Variants in C14orf39 observed in about 807,000 individuals in gnomAD.
C14orf39 encodes the protein protein SIX6OS1.
A neutral mutation model predicts 85.6 loss-of-function variants in C14orf39; 66 were observed. That is an observed-to-expected ratio of 0.77 (90% CI 0.63 to 0.95). C14orf39 has a LOEUF of 0.95. Among genes scored for constraint, C14orf39 ranks in the 40% least tolerant of loss-of-function variants. The pLI is 0.00. For missense variants in C14orf39, 735 were observed against 663.9 expected (o/e 1.11, Z -1.18); for synonymous variants, 242 against 214.0 (o/e 1.13, Z -1.14).
intron 16 of C14orf39, among the ~76,000 whole-genome samples, chr14:60,448,058 A>T (rs1316597110): frequency 5.3e-5 from 8 of 152,256 alleles, no homozygotes; most frequent in Admixed American, 5.2e-4. Context: ...TGGATTAAAG[A>T]CTTAAATGTA....
intron 1 of C14orf39, among the ~76,000 whole-genome samples, 177 bp downstream of exon 1, chr14:60,485,768 T>TC (rs766118975): frequency 3.6e-4 from 54 of 149,426 alleles, no homozygotes; most frequent in Non-Finnish European, 6.7e-4. Flanking sequence ...CAACACCGCA[T>TC]CCCCCCCATC....
At chr14:60,446,792 A>C (rs1462247889) in intron 16 of C14orf39, among the ~76,000 whole-genome samples, 1 of 152,236 alleles carries the variant, frequency 6.6e-6, no homozygotes, top group Non-Finnish European at 1.5e-5. Flanking sequence ...TCAATGTGAA[A>C]ATCCTCAATA....
At chr14:60,446,852 C>G (rs1289688036) in intron 16 of C14orf39, among the ~76,000 whole-genome samples, 1 of 152,092 alleles carries the variant, frequency 6.6e-6, no homozygotes, top group Non-Finnish European at 1.5e-5. Context: ...TTATCCACCA[C>G]AATAAAGTTG....
upstream of C14orf39, among the ~76,000 whole-genome samples, chr14:60,486,336 T>C (rs552843096): frequency 2.0e-5 from 3 of 152,228 alleles, no homozygotes; most frequent in Non-Finnish European, 4.4e-5. Flanking sequence ...AGCCTATTTA[T>C]TCCTCTTGTA....
rs1050153022 is a variant in C14orf39 at position 60,471,685 on chromosome 14, T to C, written c.378A>G (p.Gln126=). 4 of 1,595,836 alleles carry C rather than the reference T, an allele frequency of 2.5e-6. No homozygotes were observed. Among genetic ancestry groups the C allele is most frequent in the Non-Finnish European group, 3.4e-6 (4 of 1,170,004 alleles). Reference sequence around the variant, plus strand: ...AAAAGGGTGTTTCTGAGTATTTTAGTTGGTACTGCTTCAAAACTTCTTTAT... The same window carrying C: ...AAAAGGGTGTTTCTGAGTATTTTAGCTGGTACTGCTTCAAAACTTCTTTAT... ...CQYKEVLKQY[Q]LKYSETPFSR... Residue 126 remains glutamine (Q), a synonymous_variant, in exon 6 of 18, where the codon CAA becomes CAG. Transcript: ENST00000321731.
chr14:60,509,326 A>C, intron 1 of C14orf39: 2 of 1,319,396 alleles, frequency 1.5e-6, no homozygotes, highest in Non-Finnish European at 2.2e-6. Context: ...TGGCACACTC[A>C]GCCAGGCCCG....
chr14:60,478,932 AT>A (rs34091178), intron 4 of C14orf39, among the ~76,000 whole-genome samples: 125,303 of 152,002 alleles, frequency 0.82, 53,206 homozygotes, highest in Non-Finnish European at 0.92. Flanking sequence ...CATCTTATAC[AT>A]TTTTTATTAT....
chr14:60,447,160 C>T (rs1318355889), intron 16 of C14orf39, among the ~76,000 whole-genome samples: 2 of 152,298 alleles, frequency 1.3e-5, no homozygotes, highest in Non-Finnish European at 2.9e-5. Context: ...TGCCCTCTCA[C>T]ACCACTCCTG....
Position 60,462,070 on chromosome 14 carries a change from A to T in C14orf39, c.973-477T>A, listed in dbSNP as rs1280030654. Among the ~76,000 whole-genome samples, 3 of 152,236 alleles carry T rather than the reference A, an allele frequency of 2.0e-5. No individual in the cohort carries two copies. In the East Asian group the frequency reaches 5.8e-4, roughly 29 times the overall value. Reference sequence around the variant, plus strand: ...AGAGCTATTATTCCATTTTAACTTTAAATTGTTTAATATTAACATCTAGCT... The same window carrying T: ...AGAGCTATTATTCCATTTTAACTTTTAATTGTTTAATATTAACATCTAGCT... On this transcript the variant is annotated intron_variant, in intron 11 of 17. Coordinates refer to ENST00000321731, the MANE Select transcript of C14orf39 (RefSeq NM_174978.3).
At chr14:60,455,765 T>G (rs1275072296) in intron 15 of C14orf39, among the ~76,000 whole-genome samples, 7 of 152,082 alleles carry the variant, frequency 4.6e-5, no homozygotes, top group Non-Finnish European at 1.0e-4. Context: ...TTCTGTAAAA[T>G]AAGGATAATA....
chr14:60,468,301 A>C (rs1891895054), intron 9 of C14orf39, 144 bp downstream of exon 9: 2 of 448,060 alleles, frequency 4.5e-6, no homozygotes, highest in South Asian at 1.0e-4. Context: ...AATATTTTTC[A>C]TAAGAAATTA....
upstream of C14orf39, among the ~76,000 whole-genome samples, chr14:60,487,446 G>A (rs140788665): frequency 7.3e-5 from 11 of 151,652 alleles, no homozygotes; most frequent in African/African-American, 2.7e-4. Context: ...CATCCATGTG[G>A]TCACAAATGA....
chr14:60,474,268 T>G (rs1157494487), intron 5 of C14orf39, among the ~76,000 whole-genome samples: 1 of 152,230 alleles, frequency 6.6e-6, no homozygotes, highest in Non-Finnish European at 1.5e-5. Context: ...GAGACTTTGC[T>G]GAAGTTGTCT....
chr14:60,485,130 T>C (rs1469883927), intron 1 of C14orf39, 44 bp from the exon 2 acceptor site: 1 of 1,487,220 alleles, frequency 6.7e-7, no homozygotes, highest in South Asian at 1.2e-5. Flanking sequence ...TCTGAAGTCG[T>C]ATGCAAAACA....
Position 60,457,013 on chromosome 14 carries a change from G to T in C14orf39, c.1262C>A (p.Thr421Lys). Reference protein sequence around the residue: ...VEERAENFPRTSEIPIFLGTP... With the variant: ...VEERAENFPRKSEIPIFLGTP... Reference sequence around the variant, plus strand: ...TCCTAAAAATATAGGAATTTCAGACGTTCGTGGAAAATTCTCAGCTCTCTC... The same window carrying T: ...TCCTAAAAATATAGGAATTTCAGACTTTCGTGGAAAATTCTCAGCTCTCTC... Residue 421 changes from threonine (T) to lysine (K), a missense_variant, in exon 15 of 18, where the codon ACG (threonine) becomes AAG (lysine). Thr to Lys is a moderately conservative substitution (Grantham distance 78, BLOSUM62 -1). Transcript: ENST00000321731. 6.2e-7 allele frequency: 1 copy of T among 1,610,646 alleles called. No individual in the cohort carries two copies. Among genetic ancestry groups the T allele is most frequent in the Non-Finnish European group, 8.5e-7 (1 of 1,178,106 alleles).
chr14:60,447,700 G>A (rs1890836458), intron 16 of C14orf39, among the ~76,000 whole-genome samples: 1 of 152,044 alleles, frequency 6.6e-6, no homozygotes, highest in African/African-American at 2.4e-5. Context: ...CTACTTTAAA[G>A]TTCATATGGA....
chr14:60,510,024 A>T, intron 1 of C14orf39: 1 of 1,488,302 alleles, frequency 6.7e-7, no homozygotes, highest in Non-Finnish European at 9.2e-7. Context: ...AGGCGGGTGG[A>T]GGCACCTCTG....
At chr14:60,469,937 T>TG (rs1891993106) in intron 7 of C14orf39, among the ~76,000 whole-genome samples, 1 of 150,220 alleles carries the variant, frequency 6.7e-6, no homozygotes, top group South Asian at 2.1e-4. Context: ...TAGTTTTTTT[T>TG]TTTTTTTTTT....
intron 9 of C14orf39, 76 bp downstream of exon 9, chr14:60,468,369 G>C (rs1367189006): frequency 1.3e-6 from 1 of 794,786 alleles, no homozygotes; most frequent in Non-Finnish European, 1.9e-6. Context: ...TAGTGGTTTG[G>C]GATGGAATAT....
Sources: gnomAD v4.1 joint callset for allele counts (sites outside exome capture counted in the v4.1 genomes callset) on GRCh38, gnomAD v4.1.1 for gene constraint, MANE v1.5 for transcripts, NCBI Gene and HGNC (gene_info 2026-07-23, HGNC 2026-07-21) for gene names.